CFP: variants seen among roughly 807,000 people sequenced by gnomAD.
CFP encodes complement factor properdin.
Under a neutral mutation model 42.1 loss-of-function variants are expected in CFP, and 14 were observed. That is an observed-to-expected ratio of 0.33 (90% CI 0.22 to 0.52). The LOEUF (loss-of-function observed/expected upper bound fraction) is 0.52. CFP is among the 20% of genes least tolerant of loss of function. The probability of loss-of-function intolerance (pLI) is 0.96; values close to 1 mark genes in which losing one functional copy is unlikely to be tolerated. For missense variants in CFP, 318 were observed against 400.4 expected (o/e 0.79, Z 1.76); for synonymous variants, 149 against 160.6 (o/e 0.93, Z 0.54).
rs1476877032 is a variant in CFP at position 47,628,236 on chromosome X, G to A, written c.269C>T (p.Ser90Leu). The change falls in exon 3 of 9, where the codon TCG (serine) becomes TTG (leucine). Residue 90 changes from serine to leucine, a missense_variant. Transcript: ENST00000396992. ...WSLWSTWAPC[S>L]VTCSEGSQLR... ...CTGGGAGCCCTCAGAGCACGTCACC[G>A]AACAGGGGGCCCATGTGGACCACAG... 2.5e-6 allele frequency: 3 copies of A among 1,210,548 alleles called. No individual in the cohort carries two copies. The highest frequency in any genetic ancestry group is 3.4e-6 in the Non-Finnish European group (3 of 894,883).
At chrX:47,627,446 G>C (rs1239510599) in intron 4 of CFP, 25 bp downstream of exon 4, 1 of 1,209,555 alleles carries the variant, frequency 8.3e-7, no homozygotes, top group Non-Finnish European at 1.1e-6. Flanking sequence ...GCACCCATCA[G>C]CATCCTGTGG....
At chrX:47,624,934 T>C (rs1161920870) in intron 8 of CFP, 1 of 112,937 alleles carries the variant, frequency 8.9e-6, no homozygotes, top group Non-Finnish European at 1.9e-5. Flanking sequence ...TGGTGAATGT[T>C]ACTTGTTGGC....
At chrX:47,627,076 G>T in intron 5 of CFP, 65 bp downstream of exon 5, 1 of 1,175,290 alleles carries the variant, frequency 8.5e-7, no homozygotes, top group Non-Finnish European at 1.2e-6. Context: ...TCTAGAAATG[G>T]CAGAGCATCT....
chrX:47,624,426 A>T lies in CFP; in HGVS notation c.1259T>A (p.Met420Lys), dbSNP rs137980601. Residue 420 changes from methionine (M) to lysine (K), a missense_variant, in exon 9 of 9, where the codon ATG becomes AAG. Coordinates refer to ENST00000396992, the MANE Select transcript of CFP (RefSeq NM_001145252.3). ...GTTCTTCTCGCCCTGACCTTCGACC[A>T]TGGAAACGGTGGGCCTGAGGCATTA... is the stretch of plus-strand genomic sequence containing the variant. ...LLPKYPPTVS[M>K]VEGQGEKNVT... 4 of 1,207,342 alleles carry T rather than the reference A, an allele frequency of 3.3e-6. No individual in the cohort carries two copies. The highest frequency in any genetic ancestry group is 4.5e-6 in the Non-Finnish European group (4 of 894,151).
chrX:47,623,935 C>G lies in CFP; in HGVS notation c.*340G>C, dbSNP rs796600942. On this transcript the variant is annotated 3_prime_UTR_variant, in exon 9 of 9. Transcript: ENST00000396992. ...AAGTAGCCAATCAGGAAACCCGTAA[C>G]GCGGAGCTCTGCAGAGGAACGTGCC... 20 of 223,724 alleles carry G rather than the reference C, an allele frequency of 8.9e-5. No homozygotes were observed. The East Asian group carries it at 1.0e-3, about 11-fold the overall frequency. 18.4% of individuals were successfully genotyped at this position (223,724 alleles called of 1,213,427 possible). A position where few individuals can be genotyped will look rare whatever the true frequency, so the allele number is the denominator to read the frequency against.
chrX:47,629,130 ATGCTTCCAGTG>A (rs1162170740), intron 2 of CFP: 3 of 171,887 alleles, frequency 1.7e-5, no homozygotes, highest in Non-Finnish European at 3.3e-5. Flanking sequence ...CCCACCTGCA[ATGCTTCCAGTG>A]TGCAGGAGGT....
At chrX:47,628,771 G>C (rs1447741027) in intron 2 of CFP, 1 of 239,662 alleles carries the variant, frequency 4.2e-6, no homozygotes, top group Non-Finnish European at 7.8e-6. Flanking sequence ...TTGGGGCCCA[G>C]AGCTGCCCTC....
rs759424363 is a variant in CFP, at chrX:47,626,369, T to C, written c.1091A>G (p.Gln364Arg). 9 of 1,211,407 alleles carry C rather than the reference T, an allele frequency of 7.4e-6. No individual in the cohort carries two copies. The highest frequency in any genetic ancestry group is 1.0e-5 in the Non-Finnish European group (9 of 895,268). ...KFDGHRCAGQ[Q>R]QDIRHCYSIQ... is the part of the protein sequence containing the mutation. ...GCTGTAGCAGTGCCGGATATCCTGCTGTTGCCCGGCACATCGATGTCCGTC... is the reference window on the plus strand; with the variant it reads ...GCTGTAGCAGTGCCGGATATCCTGCCGTTGCCCGGCACATCGATGTCCGTC... Residue 364 changes from glutamine (Q) to arginine (R), a missense_variant, in exon 7 of 9, where the codon CAG (glutamine) becomes CGG (arginine). Coordinates refer to ENST00000396992, the MANE Select transcript of CFP (RefSeq NM_001145252.3).
At chrX:47,629,937 A>G (rs2057984795), upstream of CFP, 1 of 977,238 alleles carries the variant, frequency 1.0e-6, no homozygotes, top group Non-Finnish European at 1.4e-6. Context: ...AGAGGAACCT[A>G]GAGGCAGGAG....
chrX:47,625,081 T>C (rs1263812342), intron 8 of CFP: 1 of 111,834 alleles, frequency 8.9e-6, no homozygotes, highest in Non-Finnish European at 1.9e-5. Flanking sequence ...AGCCAATCTC[T>C]CTCTCTGTCT....
At chrX:47,624,539 C>CTT (rs11385461) in intron 8 of CFP, 99 bp from the exon 9 acceptor site, 9,493 of 296,056 alleles carry the variant, frequency 0.032, 333 homozygotes, top group African/African-American at 0.15. Flanking sequence ...CCGAGGGCTA[C>CTT]TTTTTTTTTT....
chrX:47,629,486 T>TCCCCCCCCCCCCCCCCCCCCCC, intron 2 of CFP, 38 bp downstream of exon 2: 1 of 669,645 alleles, frequency 1.5e-6, no homozygotes, highest in Non-Finnish European at 2.3e-6. Context: ...AGACAGTCCT[T>TCCCCCCCCCCCCCCCCCCCCCC]CCCTCCCCCC....
intron 8 of CFP, 117 bp downstream of exon 8, chrX:47,625,941 C>T: frequency 1.7e-6 from 1 of 595,264 alleles, no homozygotes. Context: ...GGAGGTGGCA[C>T]TCGGCAAGGC....
At chrX:47,625,650 T>C (rs2057965341) in intron 8 of CFP, 1 of 250,925 alleles carries the variant, frequency 4.0e-6, no homozygotes, top group Non-Finnish European at 7.5e-6. Context: ...ATCTGGGCTG[T>C]GTGTATCTGC....
chrX:47,627,508 C>A lies in CFP; in HGVS notation c.537G>T (p.Gln179His), dbSNP rs1421325518. The change falls in exon 4 of 9, where the codon CAG (glutamine) becomes CAT (histidine). Residue 179 changes from glutamine to histidine, a missense_variant. Gln to His is a conservative substitution (Grantham distance 24). Coordinates refer to ENST00000396992, the MANE Select transcript of CFP (RefSeq NM_001145252.3). ...KCGGHCPGQA[Q>H]ESEACDTQQV... The stretch of plus-strand genomic sequence containing the variant: ...GCTGGGTGTCACAGGCCTCTGATTC[C>A]TGTGCCTGTCCTGGGCAGTGGCCCC... 2 of 1,211,624 alleles carry A rather than the reference C, an allele frequency of 1.7e-6. No individual in the cohort carries two copies. Among genetic ancestry groups the A allele is most frequent in the East Asian group, 5.9e-5 (2 of 33,833 alleles).
Position 47,629,560 on chromosome X carries a change from T to C in CFP, c.191A>G (p.Tyr64Cys). ...EDCCLNTAFAYQKRSGGLCQP... is the reference protein window; with the variant it reads ...EDCCLNTAFACQKRSGGLCQP... ...ACAGAGCCCACCACTACGTTTCTGG[T>C]AGGCAAAGGCAGTGTTGAGACAGCA... is the stretch of plus-strand genomic sequence containing the variant. Residue 64 changes from tyrosine to cysteine, a missense_variant, in exon 2 of 9, where the codon TAC becomes TGC. Transcript: ENST00000396992. 1 of 1,096,557 alleles carries C rather than the reference T, an allele frequency of 9.1e-7. No homozygotes were observed. Among genetic ancestry groups the C allele is most frequent in the Non-Finnish European group, 1.2e-6 (1 of 828,945 alleles). The allele number at this position is 1,096,557 out of a possible 1,213,427, so 90.4% of individuals were successfully genotyped here. A position where few individuals can be genotyped will look rare whatever the true frequency, so the allele number is the denominator to read the frequency against.
chrX:47,624,560 C>CTTT (rs371118050), intron 8 of CFP, 120 bp from the exon 9 acceptor site: 16 of 315,964 alleles, frequency 5.1e-5, no homozygotes, highest in Middle Eastern at 1.1e-3. Flanking sequence ...TTTTTTTTTC[C>CTTT]TTTTTTTTTT....
chrX:47,627,739 A>G, intron 3 of CFP, 98 bp from the exon 4 acceptor site: 1 of 884,596 alleles, frequency 1.1e-6, no homozygotes, highest in Non-Finnish European at 1.5e-6. Flanking sequence ...CTGTCCTTAT[A>G]TCCTCTGCCA....
chrX:47,626,800 T>G lies in CFP; in HGVS notation c.913A>C (p.Ile305Leu). ...FCAGDATRTHICNTAVPCPVD... is the reference protein window; with the variant it reads ...FCAGDATRTHLCNTAVPCPVD... ...GGGCAGGGCACAGCTGTGTTGCAGA[T>G]GTGGGTCCGGGTGGCATCGCCAGCA... Residue 305 changes from isoleucine to leucine, a missense_variant, in exon 6 of 9, where the codon ATC (isoleucine) becomes CTC (leucine). Coordinates refer to ENST00000396992, the MANE Select transcript of CFP (RefSeq NM_001145252.3). 8.3e-7 allele frequency: 1 copy of G among 1,210,528 alleles called. No individual in the cohort carries two copies. The highest frequency in any genetic ancestry group is 1.1e-6 in the Non-Finnish European group (1 of 894,813).
Sources: allele counts gnomAD v4.1 joint callset, GRCh38; gene constraint gnomAD v4.1.1; transcripts MANE v1.5; gene names NCBI Gene and HGNC (gene_info 2026-07-23, HGNC 2026-07-21).